Variants in UNC13C observed in about 807,000 individuals in gnomAD.
The protein encoded by UNC13C is unc-13 homolog C, also known as protein unc-13 homolog C.
A neutral mutation model predicts 245.4 loss-of-function variants in UNC13C; 174 were observed. The observed-to-expected ratio is 0.71, with a 90% CI of 0.63 to 0.80. UNC13C has a LOEUF of 0.80. Among genes scored for constraint, UNC13C ranks in the 30% least tolerant of loss-of-function variants. The pLI, the probability that UNC13C is intolerant of heterozygous loss-of-function variation, is 0.00. For missense variants in UNC13C, 2,829 were observed against 2,602.9 expected (o/e 1.09, Z -1.89); for synonymous variants, 992 against 895.1 (o/e 1.11, Z -1.93).
chr15:53,976,449 T>C (rs373631619), upstream of UNC13C, among the ~76,000 whole-genome samples: 2 of 148,582 alleles, frequency 1.3e-5, no homozygotes, highest in Admixed American at 6.7e-5. Context: ...GGTGTTTTTT[T>C]TTCTTCTTTC....
intron 12 of UNC13C, among the ~76,000 whole-genome samples, chr15:54,299,838 A>G (rs2037530208): frequency 6.6e-6 from 1 of 152,124 alleles, no homozygotes; most frequent in Non-Finnish European, 1.5e-5. Flanking sequence ...GGTGATTCTC[A>G]TATACTTTAA....
At chr15:54,341,889 T>C (rs1478291467) in intron 17 of UNC13C, among the ~76,000 whole-genome samples, 1 of 150,564 alleles carries the variant, frequency 6.6e-6, no homozygotes, top group African/African-American at 2.4e-5. Context: ...GGCAGGAGAA[T>C]GGTGTGAACC....
chr15:54,609,962 C>A (rs1256941918), intron 30 of UNC13C, among the ~76,000 whole-genome samples: 1 of 152,116 alleles, frequency 6.6e-6, no homozygotes, highest in South Asian at 2.1e-4. Context: ...AACTCACTCA[C>A]TGTCATGAGA....
intron 19 of UNC13C, among the ~76,000 whole-genome samples, chr15:54,479,024 C>T (rs1414230592): frequency 1.3e-5 from 2 of 151,774 alleles, no homozygotes; most frequent in Non-Finnish European, 2.9e-5. Context: ...ATGGGATATC[C>T]AGCTCTCCTG....
intron 7 of UNC13C, among the ~76,000 whole-genome samples, chr15:54,238,076 G>GTT (rs10645906): frequency 0.63 from 72,254 of 114,836 alleles, 24,724 homozygotes; most frequent in Middle Eastern, 0.73. Flanking sequence ...ACTTTTATAG[G>GTT]TTTTTTTTTT....
chr15:53,894,616 G>A, the UNC13C span, among the ~76,000 whole-genome samples: 7 of 152,268 alleles, frequency 4.6e-5, no homozygotes, highest in South Asian at 1.2e-3. Context: ...AGAAAATAAG[G>A]AAGACAATTG....
At chr15:54,497,881 C>T (rs1228469756) in intron 20 of UNC13C, among the ~76,000 whole-genome samples, 1 of 151,978 alleles carries the variant, frequency 6.6e-6, no homozygotes, top group African/African-American at 2.4e-5. Flanking sequence ...GAAATAATGA[C>T]AAAGTGGAAA....
chr15:54,064,672 A>G (rs1462141781), intron 2 of UNC13C, among the ~76,000 whole-genome samples: 1 of 152,158 alleles, frequency 6.6e-6, no homozygotes, highest in Non-Finnish European at 1.5e-5. Flanking sequence ...GTTCCTTTGC[A>G]CTCAATCTAT....
chr15:54,414,901 G>T, intron 18 of UNC13C, 81 bp from the exon 19 acceptor site: 1 of 817,482 alleles, frequency 1.2e-6, no homozygotes, highest in South Asian at 1.7e-5. Context: ...TAACTACTGT[G>T]GTATATATGT....
intron 19 of UNC13C, among the ~76,000 whole-genome samples, chr15:54,468,962 T>C (rs948528796): frequency 6.6e-6 from 1 of 151,628 alleles, no homozygotes; most frequent in Non-Finnish European, 1.5e-5. Context: ...GTTTTCTCTA[T>C]TTCCGTGAAG....
intron 4 of UNC13C, among the ~76,000 whole-genome samples, chr15:54,167,500 CAAA>C (rs67762910): frequency 3.3e-5 from 3 of 90,652 alleles, no homozygotes; most frequent in Admixed American, 1.3e-4. Flanking sequence ...ACACTCGTCT[CAAA>C]AAAAAAAAAA....
rs949112775 is a variant in UNC13C, at chr15:53,980,842, C to T, written c.-257+1915C>T. On this transcript the variant is annotated intron_variant, in intron 1 of 32. Transcript: ENST00000260323. ...ATTGTTAATAAAGTAAACTGTTTTC[C>T]TTTCCAGGCCATATAATAACTTGCT... Among the ~76,000 whole-genome samples, 6 of 152,100 alleles carry T rather than the reference C, an allele frequency of 3.9e-5. No individual in the cohort carries two copies. In the East Asian group the frequency reaches 1.2e-3, roughly 29 times the overall value.
At chr15:54,426,977 C>A (rs1279525865) in intron 19 of UNC13C, among the ~76,000 whole-genome samples, 1 of 151,668 alleles carries the variant, frequency 6.6e-6, no homozygotes, top group Non-Finnish European at 1.5e-5. Context: ...CCTGAGTTAA[C>A]CATTCAGCTA....
chr15:54,571,885 A>G (rs560748768), intron 30 of UNC13C, among the ~76,000 whole-genome samples: 1 of 152,368 alleles, frequency 6.6e-6, no homozygotes, highest in East Asian at 1.9e-4. Flanking sequence ...TGTGTATTCT[A>G]CATATACAGC....
chr15:54,508,806 C>T (rs554680669), intron 23 of UNC13C, among the ~76,000 whole-genome samples: 1 of 152,266 alleles, frequency 6.6e-6, no homozygotes, highest in African/African-American at 2.4e-5. Flanking sequence ...ATATCAAGAT[C>T]ACTGAAACTT....
chr15:53,874,458 A>T, the UNC13C span, among the ~76,000 whole-genome samples: 1 of 152,174 alleles, frequency 6.6e-6, no homozygotes, highest in Non-Finnish European at 1.5e-5. Flanking sequence ...CCTCTATGAC[A>T]TATCTCTCCA....
At chr15:54,059,541 A>G (rs1897706512) in intron 2 of UNC13C, among the ~76,000 whole-genome samples, 1 of 152,230 alleles carries the variant, frequency 6.6e-6, no homozygotes, top group Non-Finnish European at 1.5e-5. Context: ...CATACTGTCC[A>G]AGGTAATTTA....
At chr15:54,500,357 T>TA (rs35637614) in intron 21 of UNC13C, among the ~76,000 whole-genome samples, 182 bp downstream of exon 21, 1,784 of 144,196 alleles carry the variant, frequency 0.012, 15 homozygotes, top group African/African-American at 0.016. Context: ...CTACATTTAT[T>TA]AAAAAAAAAA....
At chr15:54,055,641 G>T (rs565384651) in intron 2 of UNC13C, among the ~76,000 whole-genome samples, 7 of 152,172 alleles carry the variant, frequency 4.6e-5, no homozygotes, top group South Asian at 2.1e-4. Context: ...TACTTCTCCG[G>T]GTTGTTTCAT....
Sources: gnomAD v4.1 joint callset for allele counts (sites outside exome capture counted in the v4.1 genomes callset) on GRCh38, gnomAD v4.1.1 for gene constraint, MANE v1.5 for transcripts, NCBI Gene and HGNC (gene_info 2026-07-23, HGNC 2026-07-21) for gene names.